CTNNA3: variants seen among roughly 807,000 people sequenced by gnomAD.
The protein encoded by CTNNA3 is catenin alpha 3.
Under a neutral mutation model 95.7 loss-of-function variants are expected in CTNNA3, and 76 were observed. The ratio of observed to expected loss-of-function variants is 0.79; its 90% CI spans 0.66 to 0.96. CTNNA3 has a LOEUF of 0.96. CTNNA3 is among the 40% of genes least tolerant of loss of function. The pLI, the probability that CTNNA3 is intolerant of heterozygous loss-of-function variation, is 0.00. For synonymous variants in CTNNA3, 431 were observed against 374.4 expected (o/e 1.15, Z -1.74); for missense variants, 1,191 against 1,089.8 (o/e 1.09, Z -1.31).
chr10:67,388,873 C>T (rs1236912053), intron 5 of CTNNA3, among the ~76,000 whole-genome samples: 2 of 152,114 alleles, frequency 1.3e-5, no homozygotes, highest in Non-Finnish European at 2.9e-5. Context: ...GAGATTTTGT[C>T]ACCACCAGGC....
chr10:66,840,366 TCTCTCTCACACACACA>T (rs1424463007), intron 7 of CTNNA3, among the ~76,000 whole-genome samples: 12 of 83,222 alleles, frequency 1.4e-4, no homozygotes, highest in South Asian at 3.6e-4. Context: ...TCTCTCTCTC[TCTCTCTCACACACACA>T]CACACACACA....
At chr10:66,999,164 T>C (rs899134539) in intron 7 of CTNNA3, among the ~76,000 whole-genome samples, 11 of 152,144 alleles carry the variant, frequency 7.2e-5, no homozygotes, top group South Asian at 2.1e-4. Flanking sequence ...CATTTTCAAT[T>C]GATGGTTTGC....
chr10:67,720,313 T>C (rs991013007), intron 1 of CTNNA3, among the ~76,000 whole-genome samples: 2 of 151,174 alleles, frequency 1.3e-5, no homozygotes, highest in African/African-American at 4.9e-5. Flanking sequence ...TTGAGTCTAT[T>C]GAGTCCAATT....
intron 13 of CTNNA3, among the ~76,000 whole-genome samples, chr10:66,274,556 T>C (rs1312032674): frequency 2.0e-5 from 3 of 152,222 alleles, no homozygotes; most frequent in African/African-American, 4.8e-5. Context: ...GCATTTTTAA[T>C]AGTCCATGCA....
intron 5 of CTNNA3, among the ~76,000 whole-genome samples, chr10:67,489,537 C>T (rs1414579459): frequency 6.6e-6 from 1 of 152,048 alleles, no homozygotes; most frequent in Non-Finnish European, 1.5e-5. Flanking sequence ...AAGAAAAGCA[C>T]CTTGGCCCAC....
chr10:66,294,914 G>GAA (rs1554924832), intron 12 of CTNNA3, among the ~76,000 whole-genome samples: 25,121 of 150,492 alleles, frequency 0.17, 2,449 homozygotes, highest in Admixed American at 0.26. Context: ...GAGAGAGAGA[G>GAA]GGATTTGGTA....
At chr10:66,411,379 G>C (rs1302990490) in intron 11 of CTNNA3, among the ~76,000 whole-genome samples, 1 of 151,620 alleles carries the variant, frequency 6.6e-6, no homozygotes, top group Non-Finnish European at 1.5e-5. Flanking sequence ...CTTTGATTTT[G>C]TTTTTCCTTC....
At chr10:67,497,889 T>C (rs1387383707) in intron 5 of CTNNA3, among the ~76,000 whole-genome samples, 1 of 152,222 alleles carries the variant, frequency 6.6e-6, no homozygotes, top group Non-Finnish European at 1.5e-5. Context: ...GGGTTGCCTG[T>C]TCACTCTGAT....
intron 5 of CTNNA3, among the ~76,000 whole-genome samples, chr10:67,416,414 C>T (rs1379726052): frequency 6.6e-6 from 1 of 151,786 alleles, no homozygotes; most frequent in African/African-American, 2.4e-5. Flanking sequence ...CGAGACCATC[C>T]TGGCTAACAC....
In CTNNA3 at chr10:67,041,674, T is replaced by C. The variant is rs374840738; in HGVS notation, c.1047+138643A>G. Reference sequence around the variant, plus strand: ...AAGCATTAAAATTGGCATGTGTCTATTAATACATTCATCAATTCTTTCATT... The same window carrying C: ...AAGCATTAAAATTGGCATGTGTCTACTAATACATTCATCAATTCTTTCATT... On this transcript the variant is annotated intron_variant, in intron 7 of 17. Transcript: ENST00000433211. Among the ~76,000 whole-genome samples the C allele has an allele frequency of 6.6e-5, 10 of 152,264 alleles. No individual in the cohort carries two copies. The South Asian group carries it at 2.1e-3, about 32-fold the overall frequency.
chr10:66,203,609 C>T (rs898578853), intron 13 of CTNNA3, among the ~76,000 whole-genome samples: 1 of 151,888 alleles, frequency 6.6e-6, no homozygotes, highest in African/African-American at 2.4e-5. Context: ...AAGAAAGATG[C>T]TCTGGCTTTG....
intron 5 of CTNNA3, among the ~76,000 whole-genome samples, chr10:67,435,759 C>T (rs1276903529): frequency 6.6e-6 from 1 of 151,952 alleles, no homozygotes; most frequent in Non-Finnish European, 1.5e-5. Flanking sequence ...AGGAATATAC[C>T]TAACAAAGCA....
At position 67,658,882 on chromosome 10, in the gene CTNNA3, TTGAG is replaced by T. The variant is rs1258100533; in HGVS notation, c.-5-11368_-5-11365del. Reference sequence around the variant, plus strand: ...ATGTTGTAATTCAAACTTTATAAGCTTGAGTATTTGAAGTTCTCTTTATTAAACC... The same window carrying T: ...ATGTTGTAATTCAAACTTTATAAGCTTATTTGAAGTTCTCTTTATTAAACC... On this transcript the variant is annotated intron_variant, in intron 1 of 17. Transcript: ENST00000433211. 7.9e-5 allele frequency among the ~76,000 whole-genome samples: 12 copies of T among 152,314 alleles called. No homozygotes were observed. The South Asian group carries it at 2.5e-3, about 32-fold the overall frequency.
intron 7 of CTNNA3, among the ~76,000 whole-genome samples, chr10:67,110,217 ATTTATT>A (rs1187992070): frequency 1.3e-5 from 2 of 152,202 alleles, no homozygotes; most frequent in Non-Finnish European, 2.9e-5. Flanking sequence ...AATGTTTTGA[ATTTATT>A]TTTATATGTG....
intron 7 of CTNNA3, among the ~76,000 whole-genome samples, chr10:66,979,714 T>C (rs931813615): frequency 6.6e-6 from 1 of 152,278 alleles, no homozygotes; most frequent in African/African-American, 2.4e-5. Context: ...TGTGCACACA[T>C]TGAGTGCCCA....
At chr10:66,558,635 T>A (rs1842461541) in intron 10 of CTNNA3, among the ~76,000 whole-genome samples, 3 of 152,136 alleles carry the variant, frequency 2.0e-5, no homozygotes, top group Admixed American at 1.3e-4. Flanking sequence ...TGTGCACAAG[T>A]ATGTTTGTGT....
intron 2 of CTNNA3, among the ~76,000 whole-genome samples, chr10:67,608,480 C>T (rs1009569677): frequency 6.6e-6 from 1 of 152,132 alleles, no homozygotes; most frequent in Non-Finnish European, 1.5e-5. Context: ...CACACATACA[C>T]AGCCTTCTAG....
Position 66,927,937 on chromosome 10 carries a change from G to A in CTNNA3, c.1048-152413C>T, listed in dbSNP as rs1847163659. On this transcript the variant is annotated intron_variant, in intron 7 of 17. Transcript: ENST00000433211. The surrounding 1 kb of genome is among the most constrained non-coding windows in gnomAD (Gnocchi z 4.7). ...TCTAAGGGAGAATACAATTATCTGT[G>A]CCAGTCCCAAAGAGCTGCAAGGAGT... 6.2e-7 allele frequency: 1 copy of A among 1,614,212 alleles called. No homozygotes were observed. The highest frequency in any genetic ancestry group is 8.5e-7 in the Non-Finnish European group (1 of 1,180,046).
rs147387381 is a variant in CTNNA3, at chr10:66,756,966, T to G, written c.1281+9298A>C. Among the ~76,000 whole-genome samples the G allele has an allele frequency of 2.7e-3, 411 of 152,308 alleles. 2 individuals carry two copies. Among genetic ancestry groups the G allele is most frequent in the African/African-American group, 9.5e-3 (397 of 41,588 alleles). ...TGATGGGATTGTGTTTTTGCTTTAATTTTGCTTTAAATTGATTCAGCTCTC... is the reference window on the plus strand; with the variant it reads ...TGATGGGATTGTGTTTTTGCTTTAAGTTTGCTTTAAATTGATTCAGCTCTC... On this transcript the variant is annotated intron_variant, in intron 9 of 17. Coordinates refer to ENST00000433211, the MANE Select transcript of CTNNA3 (RefSeq NM_013266.4).
Sources: allele counts gnomAD v4.1 joint callset (sites outside exome capture counted in the v4.1 genomes callset), GRCh38; gene constraint gnomAD v4.1.1; non-coding constraint Gnocchi (gnomAD v3.1); transcripts MANE v1.5; gene names NCBI Gene and HGNC (gene_info 2026-07-23, HGNC 2026-07-21).